The following TEAD2 variants were observed in gnomAD, a reference collection of about 807,000 sequenced individuals.
TEAD2 encodes transcriptional enhancer factor TEF-4.
A neutral mutation model predicts 61.4 loss-of-function variants in TEAD2; 51 were observed. That is an observed-to-expected ratio of 0.83 (90% CI 0.66 to 1.05). The LOEUF is 1.05. TEAD2 is among the 50% of genes least tolerant of loss of function. TEAD2 has a pLI of 0.00. For synonymous variants in TEAD2, 244 were observed against 243.2 expected, an observed-to-expected ratio of 1.00 and a Z score of -0.03; for missense variants, 509 against 600.0, an observed-to-expected ratio of 0.85 and a Z score of 1.58.
chr19:49,348,564 A>T (rs1038236895), intron 9 of TEAD2, 139 bp downstream of exon 9: 2 of 853,028 alleles, frequency 2.3e-6, no homozygotes, highest in African/African-American at 3.4e-5. Flanking sequence ...AGCAAATCAG[A>T]AAGCAATCTC....
At position 49,355,163 on chromosome 19, in the gene TEAD2, G is replaced by A. The variant is rs749198397; in HGVS notation, c.524C>T (p.Pro175Leu). The change falls in exon 7 of 13, where the codon CCC (proline) becomes CTC (leucine). Residue 175 changes from proline to leucine, a missense_variant. Pro to Leu is a moderately conservative substitution (Grantham distance 98). Coordinates refer to ENST00000593945, the MANE Select transcript of TEAD2 (RefSeq NM_001256660.2). ...TAGTACTCACTCTGGAACATTCCAGGGGGGCCCAGATCCTCCAGACCAAAA... is the reference window on the plus strand; with the variant it reads ...TAGTACTCACTCTGGAACATTCCAGAGGGGCCCAGATCCTCCAGACCAAAA... ...FQFWSGGSGP[P>L]WNVPDVKPFS... The A allele has an allele frequency of 8.7e-6, 14 of 1,610,502 alleles. No homozygotes were observed. The highest frequency in any genetic ancestry group is 1.2e-5 in the Non-Finnish European group (14 of 1,178,212).
chr19:49,350,816 C>A (rs8105516), intron 8 of TEAD2, among the ~76,000 whole-genome samples: 2,674 of 152,136 alleles, frequency 0.018, 76 homozygotes, highest in African/African-American at 0.055. Context: ...CCACTCAGCT[C>A]TCCAGCCCCT....
At chr19:49,351,463 ATTTTGTG>A in intron 7 of TEAD2, 98 bp from the exon 8 acceptor site, 1 of 1,153,514 alleles carries the variant, frequency 8.7e-7, no homozygotes, top group Non-Finnish European at 1.2e-6. Flanking sequence ...GACCCTGTGC[ATTTTGTG>A]CACAATCTCA....
intron 4 of TEAD2, among the ~76,000 whole-genome samples, chr19:49,357,027 CCT>C (rs771330937): frequency 2.7e-4 from 41 of 151,318 alleles, no homozygotes; most frequent in Admixed American, 2.1e-3. Context: ...TCTCTGTCCT[CCT>C]CTCTTTCTGG....
In TEAD2 at chr19:49,341,061, C is replaced by A. The variant is rs1442659302; in HGVS notation, c.*263G>T. 7.1e-6 allele frequency: 3 copies of A among 420,778 alleles called. No homozygotes were observed. The highest frequency in any genetic ancestry group is 4.0e-5 in the African/African-American group (2 of 49,932). 26.1% of individuals were successfully genotyped at this position (420,778 alleles called of 1,614,324 possible). A position where few individuals can be genotyped will look rare whatever the true frequency, so the allele number is the denominator to read the frequency against. On this transcript the variant is annotated 3_prime_UTR_variant, in exon 13 of 13. Coordinates refer to ENST00000593945, the MANE Select transcript of TEAD2 (RefSeq NM_001256660.2). This position sits in a 1 kb window ranked among gnomAD's most constrained non-coding sequence, Gnocchi z 4.2. ...ACTCCTGTCCCCACAATCCCTGATA[C>A]TCCGGAGTGATCTGTCCTTTCAGAC...
At chr19:49,343,524 G>A in intron 10 of TEAD2, 126 bp from the exon 11 acceptor site, 1 of 1,077,286 alleles carries the variant, frequency 9.3e-7, no homozygotes, top group Admixed American at 3.0e-5. Context: ...CGGATCACCT[G>A]AGGTTGGGAG....
chr19:49,361,856 TCCCAGCC>T (rs1972969353), intron 1 of TEAD2: 1 of 152,184 alleles, frequency 6.6e-6, no homozygotes, highest in South Asian at 2.1e-4. Flanking sequence ...TAGGCCAAAA[TCCCAGCC>T]CAGCCCTTCC....
intron 1 of TEAD2, 145 bp from the exon 2 acceptor site, chr19:49,360,226 G>GAACCAGAGCT (rs1383650187): frequency 7.6e-6 from 5 of 658,210 alleles, no homozygotes; most frequent in African/African-American, 1.8e-5. Flanking sequence ...AAGAGGAGCT[G>GAACCAGAGCT]GGGGGTATTC....
chr19:49,356,151 AG>A lies in TEAD2; in HGVS notation c.361-182del, dbSNP rs145213327. 2,317 of 413,430 alleles carry A rather than the reference AG, an allele frequency of 5.6e-3. 50 individuals carry two copies. The highest frequency in any genetic ancestry group is 0.044 in the African/African-American group (2,129 of 48,850). The allele number at this position is 413,430 out of a possible 1,614,324, so 25.6% of individuals were successfully genotyped here. On this transcript the variant is annotated intron_variant, in intron 4 of 12. Transcript: ENST00000593945. ...GAGGTGGCCAGCCCTGGAGGGGAAA[AG>A]GGGCTCCCTGCCCAGAAAGACAGTG... is the stretch of plus-strand genomic sequence containing the variant.
chr19:49,357,232 A>T lies in TEAD2; in HGVS notation c.360+20T>A. The T allele has an allele frequency of 3.9e-6, 4 of 1,031,198 alleles. No homozygotes were observed. Among genetic ancestry groups the T allele is most frequent in the South Asian group, 1.2e-5 (1 of 80,628 alleles). 63.9% of individuals were successfully genotyped at this position (1,031,198 alleles called of 1,614,324 possible). On this transcript the variant is annotated intron_variant, in intron 4 of 12. Transcript: ENST00000593945. ...CCCCAGTCTCTGTCCCCCTCTCAGGATGTCTGCATTGGTCCCTACCTTCAA... is the reference window on the plus strand; with the variant it reads ...CCCCAGTCTCTGTCCCCCTCTCAGGTTGTCTGCATTGGTCCCTACCTTCAA...
intron 1 of TEAD2, chr19:49,361,303 G>A (rs907563497): frequency 6.6e-6 from 1 of 152,164 alleles, no homozygotes; most frequent in Admixed American, 6.6e-5. Context: ...GAGGGGACCA[G>A]AGACCCAGAG....
In TEAD2 at chr19:49,341,495, T is replaced by G; in HGVS notation, c.1243-58A>C. On this transcript the variant is annotated intron_variant, in intron 12 of 12. Transcript: ENST00000593945. This position sits in a 1 kb window ranked among gnomAD's most constrained non-coding sequence, Gnocchi z 4.2. Reference sequence around the variant, plus strand: ...TTAGAAGGGAGGGCAGGGACCCCTGTGCCCCCCTGCCAAGCTATCATGGAA... The same window carrying G: ...TTAGAAGGGAGGGCAGGGACCCCTGGGCCCCCCTGCCAAGCTATCATGGAA... 5.8e-6 allele frequency: 8 copies of G among 1,390,582 alleles called. No homozygotes were observed. Among genetic ancestry groups the G allele is most frequent in the Non-Finnish European group, 8.1e-6 (8 of 983,750 alleles). 86.1% of individuals were successfully genotyped at this position (1,390,582 alleles called of 1,614,324 possible).
intron 7 of TEAD2, among the ~76,000 whole-genome samples, chr19:49,351,769 T>C (rs555247472): frequency 2.6e-5 from 4 of 151,974 alleles, no homozygotes; most frequent in Non-Finnish European, 2.9e-5. Context: ...GCAGATCACT[T>C]GAGGTCAGGA....
intron 10 of TEAD2, among the ~76,000 whole-genome samples, chr19:49,346,259 G>A (rs1410613546): frequency 6.6e-6 from 1 of 151,632 alleles, no homozygotes; most frequent in Admixed American, 6.6e-5. Flanking sequence ...AAACCAAGTA[G>A]CCCTAAGAAA....
chr19:49,359,963 C>T lies in TEAD2; in HGVS notation c.113G>A (p.Gly38Asp), dbSNP rs150963212. The T allele has an allele frequency of 1.4e-5, 23 of 1,610,232 alleles. No individual in the cohort carries two copies. The highest frequency in any genetic ancestry group is 1.4e-5 in the Non-Finnish European group (17 of 1,179,854). ...GCTCCACACCCCCTCTGCATCCGGG[C>T]CCCCGTCACCCCCAGCCCCCTCACT... ...GGSEGAGGDG[G>D]PDAEGVWSPD... is the part of the protein sequence containing the mutation. The change falls in exon 2 of 13, where the codon GGC (glycine) becomes GAC (aspartate). Residue 38 changes from glycine to aspartate, a missense_variant. Gly to Asp is a moderately conservative substitution (Grantham distance 94). Transcript: ENST00000593945. The surrounding 1 kb of genome is among the most constrained non-coding windows in gnomAD (Gnocchi z 4.1).
At position 49,359,713 on chromosome 19, in the gene TEAD2, C is replaced by A; in HGVS notation, c.232+131G>T. On this transcript the variant is annotated intron_variant, in intron 2 of 12. Coordinates refer to ENST00000593945, the MANE Select transcript of TEAD2 (RefSeq NM_001256660.2). This position sits in a 1 kb window ranked among gnomAD's most constrained non-coding sequence, Gnocchi z 4.1. ...GTGCGACCATAAGCAAATCACTTAA[C>A]CTAGCTGTGCCTCAGTTTCCTCATC... is the stretch of plus-strand genomic sequence containing the variant. The A allele has an allele frequency of 1.8e-6, 2 of 1,088,226 alleles. No homozygotes were observed. Among genetic ancestry groups the A allele is most frequent in the Non-Finnish European group, 2.7e-6 (2 of 739,088 alleles). 67.4% of individuals were successfully genotyped at this position (1,088,226 alleles called of 1,614,324 possible). A position where few individuals can be genotyped will look rare whatever the true frequency, so the allele number is the denominator to read the frequency against.
intron 10 of TEAD2, among the ~76,000 whole-genome samples, chr19:49,344,063 TCTCCAACTCCTGGG>T (rs1202516283): frequency 6.6e-6 from 1 of 151,962 alleles, no homozygotes; most frequent in Non-Finnish European, 1.5e-5. Flanking sequence ...CCCAGGCTGG[TCTCCAACTCCTGGG>T]CTCAAGCGAT....
rs1972677436 is a variant in TEAD2, at chr19:49,359,620, G to A, written c.233-121C>T. ...AAAGGTCTGCAGCAAGTGGGCTGCC[G>A]GTCCCCTCAGCTACGTGGAAGCCAG... is the stretch of plus-strand genomic sequence containing the variant. On this transcript the variant is annotated intron_variant, in intron 2 of 12. Transcript: ENST00000593945. The surrounding 1 kb of genome is among the most constrained non-coding windows in gnomAD (Gnocchi z 4.1). 9 of 1,214,956 alleles carry A rather than the reference G, an allele frequency of 7.4e-6. No homozygotes were observed. Among genetic ancestry groups the A allele is most frequent in the African/African-American group, 3.0e-5 (2 of 67,112 alleles). The allele number at this position is 1,214,956 out of a possible 1,614,324, so 75.3% of individuals were successfully genotyped here. A position where few individuals can be genotyped will look rare whatever the true frequency, so the allele number is the denominator to read the frequency against.
At position 49,348,928 on chromosome 19, in the gene TEAD2, C is replaced by T. The variant is rs541403735; in HGVS notation, c.605-83G>A. Reference sequence around the variant, plus strand: ...TACTGTTGTCTCTTGCCTGCCTCCACTTAGAAGCTGAAAAAGCTAAATACT... The same window carrying T: ...TACTGTTGTCTCTTGCCTGCCTCCATTTAGAAGCTGAAAAAGCTAAATACT... On this transcript the variant is annotated intron_variant, in intron 8 of 12. Coordinates refer to ENST00000593945, the MANE Select transcript of TEAD2 (RefSeq NM_001256660.2). 9 of 1,419,730 alleles carry T rather than the reference C, an allele frequency of 6.3e-6. No individual in the cohort carries two copies. In the East Asian group the frequency reaches 1.6e-4, roughly 25 times the overall value. The allele number at this position is 1,419,730 out of a possible 1,614,324, so 87.9% of individuals were successfully genotyped here. A position where few individuals can be genotyped will look rare whatever the true frequency, so the allele number is the denominator to read the frequency against.
Sources: allele counts gnomAD v4.1 joint callset (sites outside exome capture counted in the v4.1 genomes callset), GRCh38; gene constraint gnomAD v4.1.1; non-coding constraint Gnocchi (gnomAD v3.1); transcripts MANE v1.5; gene names NCBI Gene and HGNC (gene_info 2026-07-23, HGNC 2026-07-21).